The following ROS1 variants were observed in gnomAD, a reference collection of about 807,000 sequenced individuals.
ROS1 encodes the protein proto-oncogene tyrosine-protein kinase ROS.
A neutral mutation model predicts 273.5 loss-of-function variants in ROS1; 263 were observed. That is an observed-to-expected ratio of 0.96 (90% CI 0.87 to 1.06). ROS1 has a LOEUF of 1.06. Among genes scored for constraint, ROS1 ranks in the 50% least tolerant of loss-of-function variants. The probability of loss-of-function intolerance (pLI) is 0.00; values close to 1 mark genes in which losing one functional copy is unlikely to be tolerated. For synonymous variants in ROS1, 1,008 were observed against 954.1 expected, an observed-to-expected ratio of 1.06 and a Z score of -1.04; for missense variants, 2,833 against 2,751.1, an observed-to-expected ratio of 1.03 and a Z score of -0.67.
intron 28 of ROS1, among the ~76,000 whole-genome samples, chr6:117,343,017 A>G (rs1171280032): frequency 1.3e-5 from 2 of 151,962 alleles, no homozygotes; most frequent in East Asian, 3.8e-4. Context: ...AGAAACTACT[A>G]TGCCTGGGTT....
chr6:117,351,277 G>A (rs1778840926), intron 27 of ROS1, among the ~76,000 whole-genome samples: 1 of 152,152 alleles, frequency 6.6e-6, no homozygotes, highest in Non-Finnish European at 1.5e-5. Flanking sequence ...GAGTGGGCTG[G>A]GGTTGGGCAC....
intron 18 of ROS1, among the ~76,000 whole-genome samples, chr6:117,376,756 C>T (rs6942315): frequency 0.57 from 86,276 of 151,812 alleles, 25,116 homozygotes; most frequent in African/African-American, 0.69. Context: ...TGAGAGAAAT[C>T]AAAGAAAACC....
At chr6:117,423,702 C>CTTT (rs564177817) in intron 1 of ROS1, among the ~76,000 whole-genome samples, 14,789 of 147,156 alleles carry the variant, frequency 0.1, 797 homozygotes, top group Non-Finnish European at 0.13. Flanking sequence ...CTTGTGGTGA[C>CTTT]TTTTTTTTTT....
intron 21 of ROS1, among the ~76,000 whole-genome samples, chr6:117,364,250 G>T (rs1436898590): frequency 6.6e-6 from 1 of 152,176 alleles, no homozygotes; most frequent in African/African-American, 2.4e-5. Context: ...AGTAAAAAAT[G>T]CAATGGAGAA....
At position 117,425,419 on chromosome 6, in the gene ROS1, A is replaced by ATAAGG; in HGVS notation, c.123+114_123+115insCCTTA. On this transcript the variant is annotated intron_variant, in intron 1 of 43. Coordinates refer to ENST00000368507, the MANE Select transcript of ROS1 (RefSeq NM_001378902.1). ...AAATAATCTATCTTGCCTTGTTGCC[A>ATAAGG]CCACTTCTCATAAGAAAACTCCTCA... The ATAAGG allele has an allele frequency of 1.7e-5, 18 of 1,036,844 alleles. No individual in the cohort carries two copies. The South Asian group carries it at 3.3e-4, about 19-fold the overall frequency. 64.2% of individuals were successfully genotyped at this position (1,036,844 alleles called of 1,614,324 possible). A position where few individuals can be genotyped will look rare whatever the true frequency, so the allele number is the denominator to read the frequency against.
At chr6:117,421,247 A>G (rs960773429) in intron 1 of ROS1, among the ~76,000 whole-genome samples, 1 of 148,650 alleles carries the variant, frequency 6.7e-6, no homozygotes, top group African/African-American at 2.4e-5. Context: ...CAATATATAT[A>G]TATATAGGAA....
rs373938735 is a variant in ROS1, at chr6:117,409,591, C to T, written c.307G>A (p.Glu103Lys). 6.2e-7 allele frequency: 1 copy of T among 1,613,612 alleles called. No homozygotes were observed. The highest frequency in any genetic ancestry group is 1.7e-5 in the Admixed American group (1 of 59,960). The change falls in exon 5 of 44, where the codon GAA (glutamate) becomes AAA (lysine). Residue 103 changes from glutamate to lysine, a missense_variant. Transcript: ENST00000368507. Reference sequence around the variant, plus strand: ...GTGTGTGTCCTCTTACCCAGTACTTCCTCTTCATATGCACCTTCCGCGCTG... The same window carrying T: ...GTGTGTGTCCTCTTACCCAGTACTTTCTCTTCATATGCACCTTCCGCGCTG... Reference protein sequence around the residue: ...CSSAEGAYEEEVLENADLPTA... With the variant: ...CSSAEGAYEEKVLENADLPTA...
At chr6:117,407,091 C>T (rs1774473017) in intron 5 of ROS1, among the ~76,000 whole-genome samples, 1 of 151,992 alleles carries the variant, frequency 6.6e-6, no homozygotes, top group Non-Finnish European at 1.5e-5. Flanking sequence ...TGTAATATCA[C>T]TACCTCTCCA....
chr6:117,292,013 A>T (rs1024909138), intron 43 of ROS1, among the ~76,000 whole-genome samples: 2 of 149,758 alleles, frequency 1.3e-5, no homozygotes, highest in African/African-American at 4.9e-5. Flanking sequence ...TCTGTCGCCC[A>T]GGCTGGAGTG....
intron 33 of ROS1, chr6:117,328,758 C>T (rs1004676549): frequency 6.5e-6 from 4 of 613,842 alleles, no homozygotes; most frequent in Non-Finnish European, 1.3e-5. Context: ...CCGTACTGGC[C>T]AGGTCTGAGG....
At chr6:117,320,955 TCAAC>T (rs1330345422) in intron 36 of ROS1, among the ~76,000 whole-genome samples, 26 of 152,134 alleles carry the variant, frequency 1.7e-4, no homozygotes, top group Admixed American at 1.7e-3. Flanking sequence ...TGCCTCCAGG[TCAAC>T]CAACCATGTT....
At chr6:117,393,165 T>G (rs1773201765) in intron 12 of ROS1, 59 bp downstream of exon 12, 2 of 998,662 alleles carry the variant, frequency 2.0e-6, no homozygotes, top group South Asian at 2.6e-5. Context: ...CAAGCAAGTT[T>G]CTCAAAGATT....
intron 7 of ROS1, among the ~76,000 whole-genome samples, chr6:117,402,651 G>C (rs2128723402): frequency 6.6e-6 from 1 of 152,308 alleles, no homozygotes; most frequent in South Asian, 2.1e-4. Context: ...ACTTTGGGAG[G>C]CCAAGGCGGG....
intron 27 of ROS1, among the ~76,000 whole-genome samples, chr6:117,346,501 G>A (rs1372679423): frequency 2.0e-5 from 3 of 151,308 alleles, no homozygotes; most frequent in South Asian, 2.1e-4. Flanking sequence ...ATTTTGGAGC[G>A]TGTTTGTGTA....
intron 42 of ROS1, among the ~76,000 whole-genome samples, chr6:117,307,957 CA>C (rs1176396368): frequency 1.3e-5 from 2 of 152,100 alleles, no homozygotes; most frequent in Non-Finnish European, 2.9e-5. Context: ...TCTTTTCATT[CA>C]AAACACATTC....
chr6:117,302,666 A>G (rs540852413), intron 42 of ROS1, among the ~76,000 whole-genome samples: 103 of 152,330 alleles, frequency 6.8e-4, no homozygotes, highest in Non-Finnish European at 1.3e-3. Flanking sequence ...TACTTGGCAG[A>G]ATCTCTAGCT....
In ROS1 at chr6:117,357,977, T is replaced by G; in HGVS notation, c.3666A>C (p.Thr1222=). Residue 1222 remains threonine (T), a synonymous_variant, in exon 25 of 44, where the codon ACA becomes ACC. Coordinates refer to ENST00000368507, the MANE Select transcript of ROS1 (RefSeq NM_001378902.1). ...LFQDSLVFDI[T]VITIDWISRH... ...TTGAAATCCAGTCAATTGTAATAAC[T>G]GTGATATCAAAAACCAGTGAATCTT... The G allele has an allele frequency of 6.2e-7, 1 of 1,613,526 alleles. No individual in the cohort carries two copies. The highest frequency in any genetic ancestry group is 8.5e-7 in the Non-Finnish European group (1 of 1,179,686).
chr6:117,390,630 T>A (rs1459453200), intron 12 of ROS1, among the ~76,000 whole-genome samples: 2 of 152,248 alleles, frequency 1.3e-5, no homozygotes, highest in Non-Finnish European at 2.9e-5. Flanking sequence ...GTTATCATTT[T>A]GCTATAACTA....
rs765782172 is a variant in ROS1, at chr6:117,353,132, A to G, written c.4161T>C (p.Asp1387=). Residue 1387 remains aspartate, a synonymous_variant, in exon 27 of 44, where the codon GAT becomes GAC. Transcript: ENST00000368507. ...KTLVSLTVDG[D]LIYWIITAKD... ...TTGCTGTGATGATCCAGTATATAAG[A>G]TCTCCATCCACAGTTAAGCTAACAA... 3 of 1,612,728 alleles carry G rather than the reference A, an allele frequency of 1.9e-6. No homozygotes were observed. Among genetic ancestry groups the G allele is most frequent in the Non-Finnish European group, 2.5e-6 (3 of 1,179,292 alleles).
Sources: allele counts gnomAD v4.1 joint callset (sites outside exome capture counted in the v4.1 genomes callset), GRCh38; gene constraint gnomAD v4.1.1; transcripts MANE v1.5; gene names NCBI Gene and HGNC (gene_info 2026-07-23, HGNC 2026-07-21).